Variants in RAB33B observed in about 807,000 individuals in gnomAD.
RAB33B encodes RAB33B, member RAS oncogene family.
RAB33B carries 6 observed loss-of-function variants against 15.0 expected under a neutral mutation model. The observed-to-expected ratio is 0.40, with a 90% CI of 0.22 to 0.79. RAB33B has a LOEUF of 0.79. Among genes scored for constraint, RAB33B ranks in the 30% least tolerant of loss-of-function variants. RAB33B has a pLI of 0.37. For missense variants in RAB33B, 257 were observed against 296.4 expected, an observed-to-expected ratio of 0.87 and a Z score of 0.98; for synonymous variants, 117 against 108.3, an observed-to-expected ratio of 1.08 and a Z score of -0.50.
intron 1 of RAB33B, among the ~76,000 whole-genome samples, chr4:139,457,308 C>T (rs1750087854): frequency 1.3e-5 from 2 of 152,224 alleles, no homozygotes; most frequent in African/African-American, 2.4e-5. Context: ...AATACAAATA[C>T]ATTCGGCTTT....
chr4:139,468,614 T>C (rs943246737), intron 1 of RAB33B, among the ~76,000 whole-genome samples: 1 of 152,264 alleles, frequency 6.6e-6, no homozygotes, highest in Non-Finnish European at 1.5e-5. Flanking sequence ...TACAGTGTTA[T>C]AATATTCTGT....
chr4:139,457,353 CT>C (rs1750088563), intron 1 of RAB33B, among the ~76,000 whole-genome samples: 1 of 152,170 alleles, frequency 6.6e-6, no homozygotes, highest in South Asian at 2.1e-4. Context: ...CCTTATGCTC[CT>C]TCCTCGTGTG....
intron 1 of RAB33B, among the ~76,000 whole-genome samples, chr4:139,460,409 T>A (rs981587867): frequency 6.6e-6 from 1 of 152,206 alleles, no homozygotes; most frequent in Non-Finnish European, 1.5e-5. Flanking sequence ...TTTTGTTAAA[T>A]TTTTTTATGG....
At chr4:139,442,199 A>C in the RAB33B span, among the ~76,000 whole-genome samples, 1 of 152,160 alleles carries the variant, frequency 6.6e-6, no homozygotes, top group Non-Finnish European at 1.5e-5. Flanking sequence ...TAATTTTAAA[A>C]ATCAATTTTT....
chr4:139,441,234 C>A, the RAB33B span, among the ~76,000 whole-genome samples: 1 of 152,284 alleles, frequency 6.6e-6, no homozygotes, highest in African/African-American at 2.4e-5. Flanking sequence ...ATCACTTTCA[C>A]CACATTCCAT....
chr4:139,441,732 A>C, the RAB33B span, among the ~76,000 whole-genome samples: 1 of 152,222 alleles, frequency 6.6e-6, no homozygotes, highest in East Asian at 1.9e-4. Flanking sequence ...TAAAATCTAT[A>C]ACATTTTTGG....
At chr4:139,438,617 C>A in the RAB33B span, among the ~76,000 whole-genome samples, 4 of 151,862 alleles carry the variant, frequency 2.6e-5, no homozygotes, top group African/African-American at 9.7e-5. Flanking sequence ...GGTCTGATGG[C>A]AAATCAGTAA....
the RAB33B span, among the ~76,000 whole-genome samples, chr4:139,442,636 C>T: frequency 6.6e-6 from 1 of 152,148 alleles, no homozygotes; most frequent in Non-Finnish European, 1.5e-5. Context: ...ATACCTTTCT[C>T]CTATGCTGGA....
chr4:139,468,721 C>T (rs1456745064), intron 1 of RAB33B, among the ~76,000 whole-genome samples: 3 of 152,182 alleles, frequency 2.0e-5, no homozygotes, highest in African/African-American at 7.2e-5. Flanking sequence ...GAAGTGCTGC[C>T]TTCAGCATTT....
chr4:139,470,194 T>C (rs1270166592), intron 1 of RAB33B, among the ~76,000 whole-genome samples: 1 of 152,250 alleles, frequency 6.6e-6, no homozygotes, highest in Non-Finnish European at 1.5e-5. Context: ...AGTCAGGGAC[T>C]AGAGTTAAAA....
In RAB33B at chr4:139,470,826, G is replaced by A. The variant is rs573962593; in HGVS notation, c.250-1860G>A. On this transcript the variant is annotated intron_variant, in intron 1 of 1. Coordinates refer to ENST00000305626, the MANE Select transcript of RAB33B (RefSeq NM_031296.3). The stretch of plus-strand genomic sequence containing the variant: ...TGCCCAAGGTGTATCTAGAAATGTC[G>A]TCTAGGAGGTAAGGCCTGGAATGAG... 1.3e-4 allele frequency among the ~76,000 whole-genome samples: 19 copies of A among 152,000 alleles called. No homozygotes were observed. The East Asian group carries it at 1.9e-3, about 16-fold the overall frequency.
chr4:139,470,894 G>A (rs936807526), intron 1 of RAB33B, among the ~76,000 whole-genome samples: 6 of 152,016 alleles, frequency 3.9e-5, no homozygotes, highest in African/African-American at 1.5e-4. Flanking sequence ...CTGTGGCTGA[G>A]CTGGTATCTA....
chr4:139,442,712 A>G, the RAB33B span, among the ~76,000 whole-genome samples: 1 of 152,300 alleles, frequency 6.6e-6, no homozygotes, highest in African/African-American at 2.4e-5. Context: ...CCTTTCTTGC[A>G]GCTTGCAGAT....
chr4:139,456,318 A>G (rs1160276149), intron 1 of RAB33B, among the ~76,000 whole-genome samples: 1 of 152,232 alleles, frequency 6.6e-6, no homozygotes, highest in Non-Finnish European at 1.5e-5. Context: ...AAATTCTTTC[A>G]AAAGTGGAGA....
intron 1 of RAB33B, among the ~76,000 whole-genome samples, chr4:139,460,976 C>G (rs1750160927): frequency 6.6e-6 from 1 of 152,172 alleles, no homozygotes; most frequent in Non-Finnish European, 1.5e-5. Flanking sequence ...TGTGTATATT[C>G]AGAGGTGGTG....
At chr4:139,446,941 C>T in the RAB33B span, among the ~76,000 whole-genome samples, 2 of 152,204 alleles carry the variant, frequency 1.3e-5, no homozygotes, top group Non-Finnish European at 2.9e-5. Context: ...GATATTGGAC[C>T]TCTTTTATCA....
Position 139,473,281 on chromosome 4 carries a change from G to A in RAB33B, c.*155G>A, listed in dbSNP as rs2111088410. 1.4e-6 allele frequency: 1 copy of A among 707,580 alleles called. No homozygotes were observed. The highest frequency in any genetic ancestry group is 2.2e-6 in the Non-Finnish European group (1 of 451,260). The allele number at this position is 707,580 out of a possible 1,614,324, so 43.8% of individuals were successfully genotyped here. A position where few individuals can be genotyped will look rare whatever the true frequency, so the allele number is the denominator to read the frequency against. On this transcript the variant is annotated 3_prime_UTR_variant, in exon 2 of 2. Coordinates refer to ENST00000305626, the MANE Select transcript of RAB33B (RefSeq NM_031296.3). The stretch of plus-strand genomic sequence containing the variant: ...GCTTTTGTATTTTGTATCTACTTAA[G>A]TTTGTCACTGTGACAACACAGGAAA...
chr4:139,455,659 G>A (rs1027191110), intron 1 of RAB33B, among the ~76,000 whole-genome samples: 1 of 152,026 alleles, frequency 6.6e-6, no homozygotes, highest in Admixed American at 6.6e-5. Flanking sequence ...CTTTGTATTA[G>A]GGAATTTAGA....
In RAB33B at chr4:139,475,951, G is replaced by C. The variant is rs995358919; in HGVS notation, c.*2825G>C. The C allele has an allele frequency of 6.6e-6, 1 of 152,074 alleles. No individual in the cohort carries two copies. Among genetic ancestry groups the C allele is most frequent in the Non-Finnish European group, 1.5e-5 (1 of 67,998 alleles). 9.4% of individuals were successfully genotyped at this position (152,074 alleles called of 1,614,324 possible). A position where few individuals can be genotyped will look rare whatever the true frequency, so the allele number is the denominator to read the frequency against. ...ATTTTCTTTGTTTGGTTACTGGGTA[G>C]AGTATAAAATAAAACAATCTTTTTT... On this transcript the variant is annotated 3_prime_UTR_variant, in exon 2 of 2. Coordinates refer to ENST00000305626, the MANE Select transcript of RAB33B (RefSeq NM_031296.3).
Sources: gnomAD v4.1 joint callset for allele counts (sites outside exome capture counted in the v4.1 genomes callset) on GRCh38, gnomAD v4.1.1 for gene constraint, MANE v1.5 for transcripts, NCBI Gene and HGNC (gene_info 2026-07-23, HGNC 2026-07-21) for gene names.